Variants in SOWAHB observed in about 807,000 individuals in gnomAD.
The protein encoded by SOWAHB is ankyrin repeat domain-containing protein SOWAHB.
Under a neutral mutation model 18.3 loss-of-function variants are expected in SOWAHB, and 17 were observed. The ratio of observed to expected loss-of-function variants is 0.93; its 90% CI spans 0.64 to 1.40. The LOEUF is 1.40. Among genes scored for constraint, SOWAHB ranks in the 40% most tolerant of loss-of-function variants. The pLI, the probability that SOWAHB is intolerant of heterozygous loss-of-function variation, is 0.00. For missense variants in SOWAHB, 1,126 were observed against 1,033.7 expected (o/e 1.09, Z -1.22); for synonymous variants, 496 against 448.1 (o/e 1.11, Z -1.35).
Position 76,895,279 on chromosome 4 carries a change from T to C in SOWAHB, c.*189A>G, listed in dbSNP as rs6843349. On this transcript the variant is annotated 3_prime_UTR_variant, in exon 1 of 1. Coordinates refer to ENST00000334306, the MANE Select transcript of SOWAHB (RefSeq NM_001029870.3). ...GTCTAGGTTTCTCCAGTCAAGGAGT[T>C]CAGCTTTCAAAAAGCTTGGATGACC... The C allele has an allele frequency of 2.2e-3, 1,259 of 568,558 alleles. 14 individuals are homozygous for C. Among genetic ancestry groups the C allele is most frequent in the African/African-American group, 0.021 (1,142 of 53,250 alleles). 35.2% of individuals were successfully genotyped at this position (568,558 alleles called of 1,614,324 possible).
chr4:76,896,019 G>C lies in SOWAHB; in HGVS notation c.1831C>G (p.Gln611Glu). The C allele has an allele frequency of 6.2e-7, 1 of 1,612,600 alleles. No homozygotes were observed. Among genetic ancestry groups the C allele is most frequent in the Non-Finnish European group, 8.5e-7 (1 of 1,179,578 alleles). The change falls in exon 1 of 1, where the codon CAG becomes GAG. Residue 611 changes from glutamine to glutamate, a missense_variant. By Grantham distance (29) the Gln-to-Glu change is conservative. Transcript: ENST00000334306. ...TCCTCCCAGAACAAAGTCCACACCT[G>C]AATCCAGGAGCCACTGGCAAGCTTC... ...IVKLASGSWIQVWTLFWEDPQ... is the reference protein window; with the variant it reads ...IVKLASGSWIEVWTLFWEDPQ...
Position 76,896,433 on chromosome 4 carries a change from C to T in SOWAHB, c.1417G>A (p.Gly473Arg). ...DGHISQQVPA[G>R]ANGLAGHPLK... ...GGGTGGCCTGCAAGGCCATTAGCCCCTGCAGGGACCTGCTGAGAGATGTGA... is the reference window on the plus strand; with the variant it reads ...GGGTGGCCTGCAAGGCCATTAGCCCTTGCAGGGACCTGCTGAGAGATGTGA... The change falls in exon 1 of 1, where the codon GGG becomes AGG. Residue 473 changes from glycine to arginine, a missense_variant. Gly to Arg is a moderately radical substitution (Grantham distance 125). Transcript: ENST00000334306. 6.2e-7 allele frequency: 1 copy of T among 1,611,102 alleles called. No individual in the cohort carries two copies. Among genetic ancestry groups the T allele is most frequent in the Non-Finnish European group, 8.5e-7 (1 of 1,178,856 alleles).
chr4:76,896,916 T>C lies in SOWAHB; in HGVS notation c.934A>G (p.Arg312Gly). 1 of 1,611,534 alleles carries C rather than the reference T, an allele frequency of 6.2e-7. No homozygotes were observed. Among genetic ancestry groups the C allele is most frequent in the Non-Finnish European group, 8.5e-7 (1 of 1,179,238 alleles). ...CGGGCCTCGGGCACCTGCGGGTGCC[T>C]GGCCACCCACTCTCGAGTGCGCTGC... ...QQQRTREWVA[R>G]HPQVPEARDQ... is the part of the protein sequence containing the mutation. Residue 312 changes from arginine (R) to glycine (G), a missense_variant, in exon 1 of 1, where the codon AGG (arginine) becomes GGG (glycine). Arg to Gly is a moderately radical substitution (Grantham distance 125). Coordinates refer to ENST00000334306, the MANE Select transcript of SOWAHB (RefSeq NM_001029870.3).
chr4:76,895,939 C>T lies in SOWAHB; in HGVS notation c.1911G>A (p.Trp637Ter). ...CCCTGAGGTCACCATGTTTGGCTATCCAGTGCAACGCAGTGTACCCAGTCA... is the reference window on the plus strand; with the variant it reads ...CCCTGAGGTCACCATGTTTGGCTATTCAGTGCAACGCAGTGTACCCAGTCA... ...DFLTGYTALH[W>*]IAKHGDLRAL... Residue 637 changes from tryptophan (W) to a stop codon, truncating the protein, a stop_gained, in exon 1 of 1, where the codon TGG (tryptophan) becomes TGA (stop). Transcript: ENST00000334306. LOFTEE classifies it high-confidence loss of function. 4 of 1,614,184 alleles carry T rather than the reference C, an allele frequency of 2.5e-6. No homozygotes were observed. Among genetic ancestry groups the T allele is most frequent in the Non-Finnish European group, 3.4e-6 (4 of 1,180,044 alleles).
rs779899117 is a variant in SOWAHB at position 76,896,899 on chromosome 4, G to A, written c.951C>T (p.Pro317=). 3 of 1,611,920 alleles carry A rather than the reference G, an allele frequency of 1.9e-6. No homozygotes were observed. Among genetic ancestry groups the A allele is most frequent in the Non-Finnish European group, 1.7e-6 (2 of 1,179,510 alleles). Residue 317 remains proline, a synonymous_variant, in exon 1 of 1, where the codon CCC becomes CCT. Transcript: ENST00000334306. ...GGATAGGGCCCTGATCACGGGCCTC[G>A]GGCACCTGCGGGTGCCTGGCCACCC... The part of the protein sequence containing the change: ...REWVARHPQV[P]EARDQGPIRA...
Position 76,895,896 on chromosome 4 carries a change from A to G in SOWAHB, c.1954T>C (p.Ser652Pro). The change falls in exon 1 of 1, where the codon TCT (serine) becomes CCT (proline). Residue 652 changes from serine to proline, a missense_variant. Ser to Pro is a moderately conservative substitution (Grantham distance 74). Coordinates refer to ENST00000334306, the MANE Select transcript of SOWAHB (RefSeq NM_001029870.3). ...ACAATCCCTGCCTTCTTTGCTCCAG[A>G]CACCAAGTCCTGAAGGGCCCTGAGG... ...GDLRALQDLVSGAKKAGIVLD... is the reference protein window; with the variant it reads ...GDLRALQDLVPGAKKAGIVLD... 6.2e-7 allele frequency: 1 copy of G among 1,614,164 alleles called. No homozygotes were observed. Among genetic ancestry groups the G allele is most frequent in the Non-Finnish European group, 8.5e-7 (1 of 1,180,030 alleles).
In SOWAHB at chr4:76,895,705, G is replaced by A; in HGVS notation, c.2145C>T (p.Thr715=). The A allele has an allele frequency of 1.2e-6, 2 of 1,614,254 alleles. No homozygotes were observed. Among genetic ancestry groups the A allele is most frequent in the Non-Finnish European group, 1.7e-6 (2 of 1,180,052 alleles). ...CCAACAGCTGCCATATTTCCCCAGA[G>A]GTATTACTGGTTAGATACTGCCATG... ...KKPWQYLTSN[T]SGEIWQLLGA... is the part of the protein sequence containing the mutation. Residue 715 remains threonine, a synonymous_variant, in exon 1 of 1, where the codon ACC becomes ACT. Coordinates refer to ENST00000334306, the MANE Select transcript of SOWAHB (RefSeq NM_001029870.3).
chr4:76,894,582 A>G lies in SOWAHB; in HGVS notation c.*886T>C, dbSNP rs934741793. Among the ~76,000 whole-genome samples the G allele has an allele frequency of 6.6e-6, 1 of 152,182 alleles. No individual in the cohort carries two copies. Among genetic ancestry groups the G allele is most frequent in the African/African-American group, 2.4e-5 (1 of 41,440 alleles). On this transcript the variant is annotated 3_prime_UTR_variant, in exon 1 of 1. Transcript: ENST00000334306. ...GTGAAATCATTTCTCTCTTTTTATG[A>G]GTACAAACGTTGGCCATTCAAACCT...
chr4:76,896,689 A>G lies in SOWAHB; in HGVS notation c.1161T>C (p.Cys387=). The G allele has an allele frequency of 6.2e-7, 1 of 1,614,066 alleles. No individual in the cohort carries two copies. The highest frequency in any genetic ancestry group is 8.5e-7 in the Non-Finnish European group (1 of 1,180,036). Residue 387 remains cysteine, a synonymous_variant, in exon 1 of 1, where the codon TGT becomes TGC. Transcript: ENST00000334306. ...CATCCAGATCTTGGAGGGACAGCTGACAACGAATGCTGCGAAAGACAGTCA... is the reference window on the plus strand; with the variant it reads ...CATCCAGATCTTGGAGGGACAGCTGGCAACGAATGCTGCGAAAGACAGTCA... ...PSLTVFRSIR[C]QLSLQDLDDF... is the part of the protein sequence containing the mutation.
rs1560661680 is a variant in SOWAHB at position 76,896,364 on chromosome 4, G to A, written c.1486C>T (p.Leu496Phe). Reference protein sequence around the residue: ...PWPVPKLRRSLRRSSLAGRAK... With the variant: ...PWPVPKLRRSFRRSSLAGRAK... ...CTCCCTGCCAGAGAGCTCCTCCTGA[G>A]GGACCTCCTTAACTTAGGAACTGGC... The change falls in exon 1 of 1, where the codon CTC becomes TTC. Residue 496 changes from leucine to phenylalanine, a missense_variant. Leu to Phe is a conservative substitution (Grantham distance 22). Coordinates refer to ENST00000334306, the MANE Select transcript of SOWAHB (RefSeq NM_001029870.3). The A allele has an allele frequency of 6.3e-7, 1 of 1,599,514 alleles. No individual in the cohort carries two copies. The highest frequency in any genetic ancestry group is 2.2e-5 in the East Asian group (1 of 44,532).
rs929745187 is a variant in SOWAHB, at chr4:76,897,096, C to T, written c.754G>A (p.Val252Met). 2.8e-5 allele frequency: 43 copies of T among 1,537,296 alleles called. No individual in the cohort carries two copies. Among genetic ancestry groups the T allele is most frequent in the African/African-American group, 4.1e-5 (3 of 73,240 alleles). Residue 252 changes from valine to methionine, a missense_variant, in exon 1 of 1, where the codon GTG becomes ATG. Val to Met is a conservative substitution (Grantham distance 21). Transcript: ENST00000334306. The surrounding 1 kb of genome is among the most constrained non-coding windows in gnomAD (Gnocchi z 6.4). Reference protein sequence around the residue: ...EEGALAEPAPVPAVAHSPPAT... With the variant: ...EEGALAEPAPMPAVAHSPPAT... ...GGAGGCGAGTGAGCCACTGCAGGCACAGGCGCCGGCTCAGCTAGCGCGCCT... is the reference window on the plus strand; with the variant it reads ...GGAGGCGAGTGAGCCACTGCAGGCATAGGCGCCGGCTCAGCTAGCGCGCCT...
Position 76,896,763 on chromosome 4 carries a change from G to C in SOWAHB, c.1087C>G (p.Pro363Ala). 1 of 1,613,956 alleles carries C rather than the reference G, an allele frequency of 6.2e-7. No homozygotes were observed. Among genetic ancestry groups the C allele is most frequent in the East Asian group, 2.2e-5 (1 of 44,876 alleles). Reference protein sequence around the residue: ...DPCLSSHSLFPVVPDESWESW... With the variant: ...DPCLSSHSLFAVVPDESWESW... Reference sequence around the variant, plus strand: ...TCCCAGGACTCATCCGGAACAACAGGAAAGAGAGAGTGCGAGGAAAGACAG... The same window carrying C: ...TCCCAGGACTCATCCGGAACAACAGCAAAGAGAGAGTGCGAGGAAAGACAG... The change falls in exon 1 of 1, where the codon CCT (proline) becomes GCT (alanine). Residue 363 changes from proline to alanine, a missense_variant. Coordinates refer to ENST00000334306, the MANE Select transcript of SOWAHB (RefSeq NM_001029870.3).
Position 76,897,606 on chromosome 4 carries a change from C to T in SOWAHB, c.244G>A (p.Gly82Arg). The change falls in exon 1 of 1, where the codon GGG becomes AGG. Residue 82 changes from glycine (G) to arginine (R), a missense_variant. Physicochemically the swap from Gly to Arg is moderately radical, Grantham distance 125. Transcript: ENST00000334306. This position sits in a 1 kb window ranked among gnomAD's most constrained non-coding sequence, Gnocchi z 6.4. Reference protein sequence around the residue: ...VLKRRYRDLLGEEGLQRPREP... With the variant: ...VLKRRYRDLLREEGLQRPREP... The stretch of plus-strand genomic sequence containing the variant: ...CGGGGTCGCTGCAGCCCCTCCTCCC[C>T]CAAAAGGTCCCTGTATCTCCTCTTG... The T allele has an allele frequency of 6.2e-7, 1 of 1,610,462 alleles. No individual in the cohort carries two copies. Among genetic ancestry groups the T allele is most frequent in the East Asian group, 2.2e-5 (1 of 44,824 alleles).
In SOWAHB at chr4:76,895,782, C is replaced by G; in HGVS notation, c.2068G>C (p.Val690Leu). 1 of 1,614,248 alleles carries G rather than the reference C, an allele frequency of 6.2e-7. No homozygotes were observed. The highest frequency in any genetic ancestry group is 1.3e-5 in the African/African-American group (1 of 75,072). The part of the protein sequence containing the change: ...HGHQGVIKLL[V>L]QRLASRVNVR... Reference sequence around the variant, plus strand: ...TTTACCCGAGAAGCCAACCTTTGCACTAGCAATTTGATGACCCCCTGGTGG... The same window carrying G: ...TTTACCCGAGAAGCCAACCTTTGCAGTAGCAATTTGATGACCCCCTGGTGG... The change falls in exon 1 of 1, where the codon GTG (valine) becomes CTG (leucine). Residue 690 changes from valine (V) to leucine (L), a missense_variant. Val to Leu is a conservative substitution (Grantham distance 32, BLOSUM62 1). Transcript: ENST00000334306.
rs1157466517 is a variant in SOWAHB, at chr4:76,897,932, G to A, written c.-83C>T. On this transcript the variant is annotated 5_prime_UTR_variant, in exon 1 of 1. Coordinates refer to ENST00000334306, the MANE Select transcript of SOWAHB (RefSeq NM_001029870.3). This position sits in a 1 kb window ranked among gnomAD's most constrained non-coding sequence, Gnocchi z 6.4. ...CAGCCAGAGGAAACCCTGGCCGGGC[G>A]AGTGTCACCTGCGCCCGGGGCGGCA... 1.4e-6 allele frequency: 2 copies of A among 1,402,462 alleles called. No individual in the cohort carries two copies. Among genetic ancestry groups the A allele is most frequent in the Non-Finnish European group, 1.9e-6 (2 of 1,051,064 alleles). 86.9% of individuals were successfully genotyped at this position (1,402,462 alleles called of 1,614,324 possible).
At position 76,897,043 on chromosome 4, in the gene SOWAHB, C is replaced by T. The variant is rs1334851681; in HGVS notation, c.807G>A (p.Arg269=). ...PPATVEAATS[R]ASPPALLPGP... ...CGGGCAGGAGAGCAGGCGGGGAAGC[C>T]CTGCTTGTCGCAGCCTCGACGGTGG... is the stretch of plus-strand genomic sequence containing the variant. The change falls in exon 1 of 1, where the codon AGG becomes AGA. Residue 269 remains arginine (R), a synonymous_variant. Transcript: ENST00000334306. This position sits in a 1 kb window ranked among gnomAD's most constrained non-coding sequence, Gnocchi z 6.4. 6.5e-7 allele frequency: 1 copy of T among 1,545,504 alleles called. No homozygotes were observed. Among genetic ancestry groups the T allele is most frequent in the African/African-American group, 1.4e-5 (1 of 73,642 alleles).
chr4:76,896,822 C>A lies in SOWAHB; in HGVS notation c.1028G>T (p.Gly343Val). The change falls in exon 1 of 1, where the codon GGC (glycine) becomes GTC (valine). Residue 343 changes from glycine to valine, a missense_variant. By Grantham distance (109) the Gly-to-Val change is moderately radical. Transcript: ENST00000334306. ...DNFLQLPLEP[G>V]STEPNSEPPD... is the part of the protein sequence containing the mutation. ...CGGCTCTGAATTAGGCTCCGTGGAGCCGGGTTCCAAGGGCAGCTGGAGGAA... is the reference window on the plus strand; with the variant it reads ...CGGCTCTGAATTAGGCTCCGTGGAGACGGGTTCCAAGGGCAGCTGGAGGAA... 7 of 1,613,846 alleles carry A rather than the reference C, an allele frequency of 4.3e-6. No individual in the cohort carries two copies. The highest frequency in any genetic ancestry group is 5.1e-6 in the Non-Finnish European group (6 of 1,180,042).
chr4:76,897,301 C>A lies in SOWAHB; in HGVS notation c.549G>T (p.Ala183=). The change falls in exon 1 of 1, where the codon GCG becomes GCT. Residue 183 remains alanine, a synonymous_variant. Transcript: ENST00000334306. The surrounding 1 kb of genome is among the most constrained non-coding windows in gnomAD (Gnocchi z 6.4). ...VPAAAAAGAQ[A]RASCAAAKTQ... is the part of the protein sequence containing the mutation. ...TCTTCGCCGCCGCGCAGCTCGCTCTCGCCTGGGCCCCTGCCGCTGCAGCTG... is the reference window on the plus strand; with the variant it reads ...TCTTCGCCGCCGCGCAGCTCGCTCTAGCCTGGGCCCCTGCCGCTGCAGCTG... 6.5e-7 allele frequency: 1 copy of A among 1,539,810 alleles called. No individual in the cohort carries two copies. The highest frequency in any genetic ancestry group is 1.2e-5 in the South Asian group (1 of 84,328).
chr4:76,897,683 T>C lies in SOWAHB; in HGVS notation c.167A>G (p.Asn56Ser). The C allele has an allele frequency of 1.2e-6, 2 of 1,612,078 alleles. No homozygotes were observed. Among genetic ancestry groups the C allele is most frequent in the South Asian group, 1.1e-5 (1 of 91,056 alleles). ...GTCCTGGCGCACTGCGGCGACCGAG[T>C]TGACGAAGCCCTTGAAGAGCTCGCG... is the stretch of plus-strand genomic sequence containing the variant. ...HRRELFKGFV[N>S]SVAAVRQDPD... is the part of the protein sequence containing the mutation. The change falls in exon 1 of 1, where the codon AAC becomes AGC. Residue 56 changes from asparagine to serine, a missense_variant. Asn to Ser is a conservative substitution (Grantham distance 46). Coordinates refer to ENST00000334306, the MANE Select transcript of SOWAHB (RefSeq NM_001029870.3). This position sits in a 1 kb window ranked among gnomAD's most constrained non-coding sequence, Gnocchi z 6.4.
Sources: allele counts gnomAD v4.1 joint callset (sites outside exome capture counted in the v4.1 genomes callset), GRCh38; gene constraint gnomAD v4.1.1; non-coding constraint Gnocchi (gnomAD v3.1); transcripts MANE v1.5; gene names NCBI Gene and HGNC (gene_info 2026-07-23, HGNC 2026-07-21).